CNOT2: variants seen among roughly 807,000 people sequenced by gnomAD.
CNOT2 encodes CCR4-NOT transcription complex subunit 2, also known as CC chemokine receptor 4-negative regulator of transcription 2.
Under a neutral mutation model 72.1 loss-of-function variants are expected in CNOT2, and 7 were observed. The ratio of observed to expected loss-of-function variants is 0.10; its 90% CI spans 0.06 to 0.18. The LOEUF (loss-of-function observed/expected upper bound fraction) is 0.18, where lower values mean the gene tolerates loss of function less well. Among genes scored for constraint, CNOT2 ranks in the 10% least tolerant of loss-of-function variants. The pLI is 1.00. For missense variants in CNOT2, 345 were observed against 660.3 expected, an observed-to-expected ratio of 0.52 and a Z score of 5.23; for synonymous variants, 196 against 225.6, an observed-to-expected ratio of 0.87 and a Z score of 1.17.
Position 70,251,200 on chromosome 12 carries a change from C to T in CNOT2, c.-96+7720C>T, listed in dbSNP as rs1958126995. Among the ~76,000 whole-genome samples, 3 of 152,058 alleles carry T rather than the reference C, an allele frequency of 2.0e-5. No individual in the cohort carries two copies. In the South Asian group the frequency reaches 6.2e-4, roughly 32 times the overall value. On this transcript the variant is annotated intron_variant, in intron 1 of 15. Coordinates refer to ENST00000229195, the MANE Select transcript of CNOT2 (RefSeq NM_014515.7). The stretch of plus-strand genomic sequence containing the variant: ...TTTGTGCTGTGCACTATTATAGTTG[C>T]ACTGCGTAATTCCTCAAGTTAAATT...
chr12:70,331,394 TCTC>T (rs1016555469), intron 6 of CNOT2: 1 of 151,910 alleles, frequency 6.6e-6, no homozygotes, highest in African/African-American at 2.4e-5. Context: ...AAAATTCTCA[TCTC>T]CTTGATACCT....
Position 70,342,238 on chromosome 12 carries a change from T to G in CNOT2, c.1241-20T>G. Reference sequence around the variant, plus strand: ...CAATTGAGAATCAGTTAATAAGGCTTTTTTCATTTTATTATCCAGACTTCC... The same window carrying G: ...CAATTGAGAATCAGTTAATAAGGCTGTTTTCATTTTATTATCCAGACTTCC... On this transcript the variant is annotated intron_variant, in intron 12 of 15. Coordinates refer to ENST00000229195, the MANE Select transcript of CNOT2 (RefSeq NM_014515.7). 1 of 1,613,576 alleles carries G rather than the reference T, an allele frequency of 6.2e-7. No individual in the cohort carries two copies. The highest frequency in any genetic ancestry group is 8.5e-7 in the Non-Finnish European group (1 of 1,179,676).
At chr12:70,252,430 G>A (rs1270465558) in intron 1 of CNOT2, among the ~76,000 whole-genome samples, 1 of 152,078 alleles carries the variant, frequency 6.6e-6, no homozygotes, top group Non-Finnish European at 1.5e-5. Context: ...CAAGCCATCT[G>A]CCTGCCTCAT....
At chr12:70,311,346 TAAAAC>T (rs1423912995) in intron 3 of CNOT2, among the ~76,000 whole-genome samples, 1 of 151,994 alleles carries the variant, frequency 6.6e-6, no homozygotes, top group African/African-American at 2.4e-5. Context: ...TGTTTGATAT[TAAAAC>T]AAATGCAGAT....
intron 3 of CNOT2, among the ~76,000 whole-genome samples, chr12:70,318,686 G>A (rs1877771952): frequency 6.6e-6 from 1 of 151,754 alleles, no homozygotes; most frequent in African/African-American, 2.4e-5. Flanking sequence ...CCACTAGATT[G>A]TAAGCCCCTT....
intron 3 of CNOT2, among the ~76,000 whole-genome samples, chr12:70,312,737 A>G (rs1876680596): frequency 6.6e-6 from 1 of 152,038 alleles, no homozygotes; most frequent in Non-Finnish European, 1.5e-5. Context: ...CCTGTTAGCA[A>G]GAACTTCTCC....
Position 70,346,473 on chromosome 12 carries a change from T to C in CNOT2, c.1536+149T>C, listed in dbSNP as rs1386094472. ...TAATTCCATCTCCTTGGCTTGACAC[T>C]CTTAGAAGAGTGTCCCAAAACAATT... On this transcript the variant is annotated intron_variant, in intron 15 of 15. Transcript: ENST00000229195. 14 of 560,832 alleles carry C rather than the reference T, an allele frequency of 2.5e-5. No individual in the cohort carries two copies. In the Admixed American group the frequency reaches 4.5e-4, roughly 18 times the overall value. 34.7% of individuals were successfully genotyped at this position (560,832 alleles called of 1,614,324 possible).
intron 3 of CNOT2, among the ~76,000 whole-genome samples, chr12:70,316,899 A>T (rs529608371): frequency 6.6e-6 from 1 of 152,260 alleles, no homozygotes; most frequent in South Asian, 2.1e-4. Flanking sequence ...GTAGACTAAA[A>T]TGTGTGTTGT....
intron 1 of CNOT2, among the ~76,000 whole-genome samples, chr12:70,250,205 A>T (rs977648446): frequency 6.6e-6 from 1 of 152,174 alleles, no homozygotes; most frequent in Non-Finnish European, 1.5e-5. Context: ...AAACACTAAG[A>T]TGTTTCAGAG....
chr12:70,301,904 A>T (rs1482445666), intron 2 of CNOT2: 4 of 152,004 alleles, frequency 2.6e-5, no homozygotes, highest in Non-Finnish European at 4.4e-5. Flanking sequence ...AGAGCCTGTT[A>T]TTGGTCTATT....
chr12:70,263,540 ATC>A (rs1229238922), intron 1 of CNOT2, among the ~76,000 whole-genome samples: 1 of 152,060 alleles, frequency 6.6e-6, no homozygotes, highest in African/African-American at 2.4e-5. Flanking sequence ...ACTACATAAT[ATC>A]TCTTTTTTTC....
rs530923600 is a variant in CNOT2, at chr12:70,287,294, T to A, written c.48+9020T>A. 2.0e-5 allele frequency among the ~76,000 whole-genome samples: 3 copies of A among 149,838 alleles called. 1 individual carries two copies. The East Asian group carries it at 6.1e-4, about 30-fold the overall frequency. ...CCCCTTATTTGGTCAGACTTACTAG[T>A]GATTCGTCAGTTTTACTAGGGGTCA... On this transcript the variant is annotated intron_variant, in intron 2 of 15. Coordinates refer to ENST00000229195, the MANE Select transcript of CNOT2 (RefSeq NM_014515.7).
chr12:70,282,593 A>T (rs1302291526), intron 2 of CNOT2, among the ~76,000 whole-genome samples: 1 of 152,162 alleles, frequency 6.6e-6, no homozygotes, highest in Non-Finnish European at 1.5e-5. Flanking sequence ...TTTACTAGTG[A>T]CTATATAGTG....
At position 70,270,491 on chromosome 12, in the gene CNOT2, A is replaced by G. The variant is rs186308179; in HGVS notation, c.-95-7641A>G. On this transcript the variant is annotated intron_variant, in intron 1 of 15. Coordinates refer to ENST00000229195, the MANE Select transcript of CNOT2 (RefSeq NM_014515.7). ...CTCATACCCCTACTTCTTTGATTCT[A>G]GGTTTACTCTAATTTTAATGTTTCT... Among the ~76,000 whole-genome samples, 235 of 152,192 alleles carry G rather than the reference A, an allele frequency of 1.5e-3. 2 individuals carry two copies. Among genetic ancestry groups the G allele is most frequent in the Middle Eastern group, 0.01 (3 of 292 alleles).
intron 4 of CNOT2, chr12:70,323,522 A>G (rs1345395780): frequency 6.6e-6 from 1 of 151,814 alleles, no homozygotes; most frequent in Non-Finnish European, 1.5e-5. Flanking sequence ...GTAATCAGGT[A>G]TCTTGGAAAA....
In CNOT2 at chr12:70,295,159, A is replaced by C. The variant is rs184610194; in HGVS notation, c.49-15736A>C. Among the ~76,000 whole-genome samples, 105 of 152,260 alleles carry C rather than the reference A, an allele frequency of 6.9e-4. No homozygotes were observed. The East Asian group carries it at 0.011, about 17-fold the overall frequency. On this transcript the variant is annotated intron_variant, in intron 2 of 15. Transcript: ENST00000229195. ...CATCTATCCCATATAATTCATGTTC[A>C]TTGATTTATAGATTTTTGCACATAC... is the stretch of plus-strand genomic sequence containing the variant.
At chr12:70,264,702 A>G (rs576718601) in intron 1 of CNOT2, among the ~76,000 whole-genome samples, 20 of 152,300 alleles carry the variant, frequency 1.3e-4, no homozygotes, top group Non-Finnish European at 2.9e-4. Flanking sequence ...GAAACTAGGC[A>G]GGGAGAGAGC....
intron 1 of CNOT2, among the ~76,000 whole-genome samples, chr12:70,262,756 C>T (rs1414213334): frequency 6.6e-6 from 1 of 150,872 alleles, no homozygotes; most frequent in Non-Finnish European, 1.5e-5. Flanking sequence ...TCACCGCAAC[C>T]TCTACCTCCC....
At chr12:70,325,175 GAGAAAGA>G (rs199744182) in intron 4 of CNOT2, among the ~76,000 whole-genome samples, 11,765 of 151,868 alleles carry the variant, frequency 0.077, 560 homozygotes, top group Admixed American at 0.15. Context: ...GAAAGGAATA[GAGAAAGA>G]AGAAAGAAGA....
Sources: gnomAD v4.1 joint callset for allele counts (sites outside exome capture counted in the v4.1 genomes callset) on GRCh38, gnomAD v4.1.1 for gene constraint, MANE v1.5 for transcripts, NCBI Gene and HGNC (gene_info 2026-07-23, HGNC 2026-07-21) for gene names.